SNTG1: variants seen among roughly 807,000 people sequenced by gnomAD.
SNTG1 encodes gamma-1-syntrophin.
SNTG1 carries 39 observed loss-of-function variants against 74.7 expected under a neutral mutation model. The ratio of observed to expected loss-of-function variants is 0.52; its 90% CI spans 0.40 to 0.68. The LOEUF is 0.68. SNTG1 is among the 30% of genes least tolerant of loss of function. The pLI is 0.00. For missense variants in SNTG1, 685 were observed against 609.5 expected (o/e 1.12, Z -1.30); for synonymous variants, 254 against 217.1 (o/e 1.17, Z -1.49).
intron 17 of SNTG1, among the ~76,000 whole-genome samples, chr8:50,723,136 T>C (rs2095491775): frequency 6.6e-6 from 1 of 152,130 alleles, no homozygotes; most frequent in African/African-American, 2.4e-5. Flanking sequence ...TTCCTTGTTC[T>C]GGAGGAGCAA....
At chr8:50,056,354 G>A (rs1820022165) in intron 1 of SNTG1, among the ~76,000 whole-genome samples, 1 of 152,112 alleles carries the variant, frequency 6.6e-6, no homozygotes, top group Admixed American at 6.6e-5. Context: ...TGAAAGAGAA[G>A]AGCCTGAACC....
intron 2 of SNTG1, among the ~76,000 whole-genome samples, chr8:50,240,470 C>A (rs560312971): frequency 2.0e-5 from 3 of 152,234 alleles, no homozygotes; most frequent in African/African-American, 7.2e-5. Flanking sequence ...TTAAATTTTA[C>A]GAACCATCAT....
intron 1 of SNTG1, among the ~76,000 whole-genome samples, chr8:50,153,103 T>A (rs934143426): frequency 2.6e-5 from 4 of 152,210 alleles, no homozygotes; most frequent in African/African-American, 9.6e-5. Flanking sequence ...CTTGTTCGTT[T>A]CTTTTTACTC....
chr8:49,938,976 G>A (rs1184738602), intron 1 of SNTG1, among the ~76,000 whole-genome samples: 2 of 152,000 alleles, frequency 1.3e-5, no homozygotes, highest in Non-Finnish European at 2.9e-5. Flanking sequence ...GTCTCCTAGA[G>A]ATGGATTCTT....
chr8:50,037,116 T>G (rs1030381182), intron 1 of SNTG1, among the ~76,000 whole-genome samples: 5 of 152,250 alleles, frequency 3.3e-5, no homozygotes, highest in Admixed American at 2.6e-4. Flanking sequence ...ACAACTGGCT[T>G]GCACAGTCAG....
chr8:50,462,791 C>A (rs2093575743), intron 8 of SNTG1, among the ~76,000 whole-genome samples: 3 of 83,966 alleles, frequency 3.6e-5, no homozygotes, highest in African/African-American at 4.6e-5. Flanking sequence ...TCTTCAGGTT[C>A]TACTCTTTTT....
intron 11 of SNTG1, among the ~76,000 whole-genome samples, chr8:50,537,606 T>C (rs2094317160): frequency 6.6e-6 from 1 of 152,166 alleles, no homozygotes. Flanking sequence ...TTAACTTGTA[T>C]GTATACTTTA....
intron 2 of SNTG1, among the ~76,000 whole-genome samples, chr8:50,295,923 T>A (rs980959670): frequency 6.6e-6 from 1 of 152,196 alleles, no homozygotes; most frequent in African/African-American, 2.4e-5. Flanking sequence ...AAACTCTTAA[T>A]GTAAAAAAGT....
At chr8:50,506,621 T>C (rs1585500865) in intron 9 of SNTG1, among the ~76,000 whole-genome samples, 1 of 152,226 alleles carries the variant, frequency 6.6e-6, no homozygotes, top group African/African-American at 2.4e-5. Context: ...TGTTTTTTTA[T>C]TGTTAATGGA....
At chr8:50,048,583 G>A (rs1346778613) in intron 1 of SNTG1, among the ~76,000 whole-genome samples, 1 of 152,014 alleles carries the variant, frequency 6.6e-6, no homozygotes, top group Non-Finnish European at 1.5e-5. Flanking sequence ...TCAAAACATA[G>A]AAAAGGTGTC....
intron 17 of SNTG1, among the ~76,000 whole-genome samples, chr8:50,741,635 T>C (rs762232247): frequency 1.3e-5 from 2 of 152,014 alleles, no homozygotes; most frequent in African/African-American, 2.4e-5. Context: ...AGCATTCACT[T>C]TAGTATGTGA....
At chr8:50,385,538 A>G (rs2092560795) in intron 2 of SNTG1, among the ~76,000 whole-genome samples, 1 of 152,192 alleles carries the variant, frequency 6.6e-6, no homozygotes, top group Admixed American at 6.5e-5. Context: ...CTCACTTACT[A>G]GGTCCAATTA....
At chr8:50,526,866 C>T (rs930170546) in intron 9 of SNTG1, among the ~76,000 whole-genome samples, 1 of 151,998 alleles carries the variant, frequency 6.6e-6, no homozygotes, top group Non-Finnish European at 1.5e-5. Context: ...TTGTGATCAT[C>T]CCGCCTCATC....
chr8:49,984,904 T>C (rs1039521252), intron 1 of SNTG1, among the ~76,000 whole-genome samples: 1 of 152,204 alleles, frequency 6.6e-6, no homozygotes, highest in Non-Finnish European at 1.5e-5. Flanking sequence ...TAAGCATCTG[T>C]ATCATAAAGC....
chr8:49,948,657 G>A (rs150058298), intron 1 of SNTG1, among the ~76,000 whole-genome samples: 45 of 152,248 alleles, frequency 3.0e-4, no homozygotes, highest in African/African-American at 1.1e-3. Context: ...TTTCTTTGGT[G>A]CAAAATATCC....
intron 15 of SNTG1, among the ~76,000 whole-genome samples, chr8:50,698,778 C>T (rs1394339606): frequency 6.6e-6 from 1 of 152,126 alleles, no homozygotes; most frequent in Non-Finnish European, 1.5e-5. Context: ...CTCCCAGCCA[C>T]ATCCCAAGGT....
chr8:50,749,887 T>C (rs1461597233), intron 17 of SNTG1, among the ~76,000 whole-genome samples: 1 of 152,054 alleles, frequency 6.6e-6, no homozygotes, highest in Non-Finnish European at 1.5e-5. Flanking sequence ...TCTTCTTGTC[T>C]GCTAACACAA....
chr8:50,178,109 C>T (rs2083066611), intron 2 of SNTG1, among the ~76,000 whole-genome samples: 1 of 152,104 alleles, frequency 6.6e-6, no homozygotes, highest in African/African-American at 2.4e-5. Flanking sequence ...ATTCATTCGT[C>T]TTCTGAAGGC....
chr8:50,300,035 A>T (rs1001628703), intron 2 of SNTG1, among the ~76,000 whole-genome samples: 5 of 152,154 alleles, frequency 3.3e-5, no homozygotes, highest in African/African-American at 9.7e-5. Flanking sequence ...ATAATTGCTG[A>T]ATAAATTTAT....
Sources: allele counts gnomAD v4.1 joint callset (sites outside exome capture counted in the v4.1 genomes callset), GRCh38; gene constraint gnomAD v4.1.1; transcripts MANE v1.5; gene names NCBI Gene and HGNC (gene_info 2026-07-23, HGNC 2026-07-21).